The following GRIN2A variants were observed in gnomAD, a reference collection of about 807,000 sequenced individuals.
GRIN2A encodes glutamate ionotropic receptor NMDA type subunit 2A.
Under a neutral mutation model 113.4 loss-of-function variants are expected in GRIN2A, and 22 were observed. The observed-to-expected ratio is 0.19, with a 90% CI of 0.14 to 0.28. The LOEUF (loss-of-function observed/expected upper bound fraction) is 0.28, where lower values mean the gene tolerates loss of function less well. Ranked by LOEUF, GRIN2A falls within the 10% of genes least tolerant of loss-of-function variation. The probability of loss-of-function intolerance (pLI) is 1.00; values close to 1 mark genes in which losing one functional copy is unlikely to be tolerated. For synonymous variants in GRIN2A, 827 were observed against 738.4 expected, an observed-to-expected ratio of 1.12 and a Z score of -1.94; for missense variants, 1,502 against 1,887.0, an observed-to-expected ratio of 0.80 and a Z score of 3.78.
intron 2 of GRIN2A, 105 bp downstream of exon 2, chr16:10,179,893 C>CCCAAAAAAACAAA: frequency 1.4e-6 from 1 of 719,818 alleles, no homozygotes. Context: ...CCCCCACCCC[C>CCCAAAAAAACAAA]ACTTCACATC....
chr16:9,767,580 A>G (rs1900998102), intron 12 of GRIN2A, among the ~76,000 whole-genome samples: 3 of 151,348 alleles, frequency 2.0e-5, no homozygotes, highest in Non-Finnish European at 2.9e-5. Context: ...AAAAACAAAC[A>G]AAAACAAAAA....
At chr16:10,053,685 C>A (rs2047397262) in intron 2 of GRIN2A, among the ~76,000 whole-genome samples, 1 of 152,196 alleles carries the variant, frequency 6.6e-6, no homozygotes, top group Non-Finnish European at 1.5e-5. Context: ...CCTGCTGTTA[C>A]AACGTCCTTC....
At chr16:9,882,908 C>T (rs961601749) in intron 4 of GRIN2A, among the ~76,000 whole-genome samples, 2 of 152,210 alleles carry the variant, frequency 1.3e-5, no homozygotes, top group African/African-American at 2.4e-5. Flanking sequence ...AGACACCTTT[C>T]TAAGGGTAGG....
chr16:9,853,067 T>G (rs1215006883), intron 4 of GRIN2A, among the ~76,000 whole-genome samples: 1 of 152,128 alleles, frequency 6.6e-6, no homozygotes, highest in Non-Finnish European at 1.5e-5. Context: ...AGAAAAGATA[T>G]CAGAGACATC....
At chr16:9,855,626 C>A (rs1297052690) in intron 4 of GRIN2A, among the ~76,000 whole-genome samples, 1 of 152,142 alleles carries the variant, frequency 6.6e-6, no homozygotes, top group Non-Finnish European at 1.5e-5. Context: ...ATAAGCTGCC[C>A]TCCCAAATCT....
At chr16:9,970,256 G>A (rs1474818665) in intron 2 of GRIN2A, among the ~76,000 whole-genome samples, 2 of 152,152 alleles carry the variant, frequency 1.3e-5, no homozygotes, top group Non-Finnish European at 2.9e-5. Flanking sequence ...TGACCTGTAA[G>A]GTTCATAGTC....
At chr16:9,776,938 T>G (rs1445072523) in intron 11 of GRIN2A, among the ~76,000 whole-genome samples, 2 of 152,174 alleles carry the variant, frequency 1.3e-5, no homozygotes, top group Non-Finnish European at 2.9e-5. Flanking sequence ...GAGGATGGCC[T>G]GGGGGACACA....
At chr16:10,177,605 C>T (rs2050173859) in intron 2 of GRIN2A, among the ~76,000 whole-genome samples, 1 of 152,236 alleles carries the variant, frequency 6.6e-6, no homozygotes, top group Non-Finnish European at 1.5e-5. Context: ...CTTGCCCTTT[C>T]CTGATTCCTT....
intron 3 of GRIN2A, among the ~76,000 whole-genome samples, chr16:9,934,826 G>A (rs1274769001): frequency 2.6e-5 from 4 of 151,924 alleles, no homozygotes; most frequent in Non-Finnish European, 5.9e-5. Context: ...CAGGGACCGT[G>A]GGAGAGTGTG....
At chr16:10,084,955 T>C (rs567682549) in intron 2 of GRIN2A, among the ~76,000 whole-genome samples, 1 of 152,290 alleles carries the variant, frequency 6.6e-6, no homozygotes, top group African/African-American at 2.4e-5. Flanking sequence ...AACACTTTGA[T>C]ACAATTTCCT....
intron 2 of GRIN2A, among the ~76,000 whole-genome samples, chr16:10,011,682 A>T (rs188187693): frequency 5.5e-4 from 84 of 151,462 alleles, no homozygotes; most frequent in African/African-American, 1.9e-3. Context: ...CTAATTAATT[A>T]TTTTTTTTTA....
intron 2 of GRIN2A, among the ~76,000 whole-genome samples, chr16:10,020,419 A>T (rs2046697919): frequency 6.6e-6 from 1 of 152,224 alleles, no homozygotes; most frequent in South Asian, 2.1e-4. Flanking sequence ...TTCAGAAGTC[A>T]ATTGCATAAA....
At chr16:10,010,625 C>T (rs916076150) in intron 2 of GRIN2A, among the ~76,000 whole-genome samples, 13 of 152,214 alleles carry the variant, frequency 8.5e-5, no homozygotes, top group East Asian at 5.8e-4. Context: ...AAATGCTTCC[C>T]ACCGTTATTA....
intron 2 of GRIN2A, among the ~76,000 whole-genome samples, chr16:10,035,925 T>G (rs564438275): frequency 6.6e-6 from 1 of 152,296 alleles, no homozygotes; most frequent in South Asian, 2.1e-4. Context: ...GGTTTCACCA[T>G]GTTGGCCAGG....
chr16:9,966,252 G>A (rs771795591), intron 2 of GRIN2A, among the ~76,000 whole-genome samples: 23 of 152,044 alleles, frequency 1.5e-4, no homozygotes, highest in Non-Finnish European at 3.1e-4. Context: ...TTACTTTCCC[G>A]ACTCTCTTCC....
chr16:9,863,830 T>C (rs2141406059), intron 4 of GRIN2A, among the ~76,000 whole-genome samples: 1 of 152,310 alleles, frequency 6.6e-6, no homozygotes, highest in East Asian at 1.9e-4. Flanking sequence ...CTGCATCTGT[T>C]ATTATAAAAA....
intron 11 of GRIN2A, among the ~76,000 whole-genome samples, chr16:9,797,880 T>G (rs751971527): frequency 2.0e-5 from 3 of 152,158 alleles, no homozygotes; most frequent in Admixed American, 6.5e-5. Context: ...CCGTGATCAC[T>G]GAATGTGTCT....
chr16:9,979,785 CTATATATA>C lies in GRIN2A; in HGVS notation c.415-41242_415-41235del, dbSNP rs71157796. On this transcript the variant is annotated intron_variant, in intron 2 of 12. Coordinates refer to ENST00000330684, the MANE Select transcript of GRIN2A (RefSeq NM_001134407.3). ...TATATACATATAAGGGACTATGGGA[CTATATATA>C]TATATATATATATATATATGTATAT... 2.8e-4 allele frequency among the ~76,000 whole-genome samples: 34 copies of C among 122,312 alleles called. No homozygotes were observed. In the East Asian group the frequency reaches 3.0e-3, roughly 11 times the overall value. The allele number at this position is 122,312 out of a possible 152,430, so 80.2% of individuals were successfully genotyped here.
At chr16:10,029,490 C>A (rs977077148) in intron 2 of GRIN2A, among the ~76,000 whole-genome samples, 1 of 151,906 alleles carries the variant, frequency 6.6e-6, no homozygotes, top group African/African-American at 2.4e-5. Context: ...GCTGCAGTCA[C>A]GTAGACTCAA....
Sources: allele counts gnomAD v4.1 joint callset (sites outside exome capture counted in the v4.1 genomes callset), GRCh38; gene constraint gnomAD v4.1.1; transcripts MANE v1.5; gene names NCBI Gene and HGNC (gene_info 2026-07-23, HGNC 2026-07-21).